The following TP63 variants were observed in gnomAD, a reference collection of about 807,000 sequenced individuals.
TP63 encodes the protein tumor protein p63.
In TP63, 17 loss-of-function variants were observed where a neutral mutation model predicts 82.8. The observed-to-expected ratio is 0.21, with a 90% CI of 0.14 to 0.31. The LOEUF (loss-of-function observed/expected upper bound fraction) is 0.31, where lower values mean the gene tolerates loss of function less well. Among genes scored for constraint, TP63 ranks in the 10% least tolerant of loss-of-function variants. TP63 has a pLI of 1.00. For missense variants in TP63, 648 were observed against 895.3 expected (o/e 0.72, Z 3.52); for synonymous variants, 330 against 321.7 (o/e 1.03, Z -0.28).
At chr3:189,874,364 G>A (rs1311206272) in intron 10 of TP63, among the ~76,000 whole-genome samples, 2 of 152,180 alleles carry the variant, frequency 1.3e-5, no homozygotes, top group Non-Finnish European at 2.9e-5. Flanking sequence ...GGGCCACCGT[G>A]CCGGCCTTGT....
intron 1 of TP63, among the ~76,000 whole-genome samples, chr3:189,682,595 T>C (rs1716076692): frequency 7.0e-6 from 1 of 141,952 alleles, no homozygotes; most frequent in Non-Finnish European, 1.5e-5. Flanking sequence ...TATATATATA[T>C]CCTATTCACA....
intron 3 of TP63, among the ~76,000 whole-genome samples, chr3:189,793,394 G>A (rs1362371560): frequency 1.3e-5 from 2 of 152,048 alleles, no homozygotes; most frequent in African/African-American, 4.8e-5. Flanking sequence ...AAAAATATTG[G>A]TTTCTTTTTC....
intron 1 of TP63, among the ~76,000 whole-genome samples, chr3:189,712,223 C>T (rs962488980): frequency 3.3e-5 from 5 of 152,102 alleles, no homozygotes; most frequent in Non-Finnish European, 5.9e-5. Flanking sequence ...AACTACTGCA[C>T]AAGGTAGAAT....
intron 4 of TP63, among the ~76,000 whole-genome samples, chr3:189,847,592 T>G (rs1715058005): frequency 6.6e-6 from 1 of 152,204 alleles, no homozygotes; most frequent in African/African-American, 2.4e-5. Context: ...CAGTATTTTA[T>G]TTCTGATTTC....
intron 1 of TP63, among the ~76,000 whole-genome samples, chr3:189,682,806 C>T (rs1381860306): frequency 6.6e-6 from 1 of 151,846 alleles, no homozygotes; most frequent in Non-Finnish European, 1.5e-5. Flanking sequence ...ACCTCATTGA[C>T]CCCAAACCAT....
intron 10 of TP63, among the ~76,000 whole-genome samples, chr3:189,884,837 A>G (rs1030802262): frequency 6.6e-6 from 1 of 152,240 alleles, no homozygotes; most frequent in South Asian, 2.1e-4. Context: ...GCATTCATCT[A>G]GCTGTGGCTC....
At chr3:189,686,318 G>T (rs1048228132) in intron 1 of TP63, among the ~76,000 whole-genome samples, 5 of 152,214 alleles carry the variant, frequency 3.3e-5, no homozygotes, top group Admixed American at 2.6e-4. Context: ...ACTGAAGCTG[G>T]CAATAGAAGA....
chr3:189,691,019 C>T (rs1372943523), intron 1 of TP63, among the ~76,000 whole-genome samples: 1 of 152,050 alleles, frequency 6.6e-6, no homozygotes, highest in Non-Finnish European at 1.5e-5. Flanking sequence ...TAACCTTCTT[C>T]ACTACTGCCA....
At chr3:189,746,078 A>G (rs1721353008) in intron 3 of TP63, among the ~76,000 whole-genome samples, 2 of 152,128 alleles carry the variant, frequency 1.3e-5, no homozygotes, top group Non-Finnish European at 2.9e-5. Context: ...CTCCAAATAG[A>G]CACAGTTCAG....
chr3:189,827,134 A>G (rs1441920025), intron 4 of TP63, among the ~76,000 whole-genome samples: 3 of 152,206 alleles, frequency 2.0e-5, no homozygotes, highest in Non-Finnish European at 2.9e-5. Context: ...ACTATTGGGT[A>G]ATTATATTAA....
At chr3:189,849,521 A>G (rs1715357243) in intron 4 of TP63, among the ~76,000 whole-genome samples, 1 of 152,042 alleles carries the variant, frequency 6.6e-6, no homozygotes, top group Non-Finnish European at 1.5e-5. Context: ...TTCTGTGTTG[A>G]TGATTGTTGC....
chr3:189,682,547 AAAAAAAATATATATATATATATAT>A lies in TP63; in HGVS notation c.62+50972_62+50995del, dbSNP rs1431304631. Among the ~76,000 whole-genome samples, 225 of 27,746 alleles carry A rather than the reference AAAAAAAATATATATATATATATAT, an allele frequency of 8.1e-3. 6 individuals are homozygous for A. The highest frequency in any genetic ancestry group is 0.054 in the South Asian group (36 of 662). The allele number at this position is 27,746 out of a possible 152,430, so 18.2% of individuals were successfully genotyped here. Reference sequence around the variant, plus strand: ...CTTGGTCCTAAGGGGAAAAAAAAAAAAAAAAAATATATATATATATATATATATATATATATATATATATATATC... The same window carrying A: ...CTTGGTCCTAAGGGGAAAAAAAAAAAATATATATATATATATATATATATC... On this transcript the variant is annotated intron_variant, in intron 1 of 13. Coordinates refer to ENST00000264731, the MANE Select transcript of TP63 (RefSeq NM_003722.5).
Position 189,677,870 on chromosome 3 carries a change from A to G in TP63, c.62+46293A>G, listed in dbSNP as rs149531376. On this transcript the variant is annotated intron_variant, in intron 1 of 13. Transcript: ENST00000264731. ...TTAGTGATGTTGAGTATTTTTTCGC[A>G]TATGTTTTGGACATCTGTGTATCTT... Among the ~76,000 whole-genome samples the G allele has an allele frequency of 4.8e-3, 727 of 152,030 alleles. 6 individuals carry two copies. Among genetic ancestry groups the G allele is most frequent in the Middle Eastern group, 0.017 (5 of 294 alleles).
chr3:189,783,082 C>T (rs1049116543), intron 3 of TP63, among the ~76,000 whole-genome samples: 9 of 151,808 alleles, frequency 5.9e-5, no homozygotes, highest in Middle Eastern at 6.8e-3. Flanking sequence ...ATGATTATAG[C>T]GGTAAAGAAA....
intron 1 of TP63, among the ~76,000 whole-genome samples, chr3:189,636,971 C>G (rs950505450): frequency 6.6e-6 from 1 of 151,984 alleles, no homozygotes. Flanking sequence ...ATATTCATTC[C>G]TTTAATTATT....
At chr3:189,724,786 G>GTGCTGAGCACTGTTCCAGGCCTTGGGGGA (rs1719648796) in intron 1 of TP63, among the ~76,000 whole-genome samples, 1 of 152,100 alleles carries the variant, frequency 6.6e-6, no homozygotes, top group African/African-American at 2.4e-5. Flanking sequence ...GAACACCTTC[G>GTGCTGAGCACTGTTCCAGGCCTTGGGGGA]TGCTGAGCAC....
intron 3 of TP63, among the ~76,000 whole-genome samples, chr3:189,761,583 C>G (rs1722574085): frequency 6.6e-6 from 1 of 152,170 alleles, no homozygotes; most frequent in South Asian, 2.1e-4. Flanking sequence ...CTAGGAAGTT[C>G]CAAACTTCCC....
intron 10 of TP63, among the ~76,000 whole-genome samples, chr3:189,875,617 TATA>T: frequency 9.6e-6 from 1 of 104,082 alleles, no homozygotes; most frequent in African/African-American, 3.9e-5. Context: ...TATATATATA[TATA>T]TATATATATA....
intron 3 of TP63, among the ~76,000 whole-genome samples, chr3:189,804,538 T>C (rs917482492): frequency 1.3e-5 from 2 of 152,252 alleles, no homozygotes; most frequent in African/African-American, 2.4e-5. Context: ...CTTGTTCTTC[T>C]TGACTATAAT....
Sources: gnomAD v4.1 joint callset for allele counts (sites outside exome capture counted in the v4.1 genomes callset) on GRCh38, gnomAD v4.1.1 for gene constraint, MANE v1.5 for transcripts, NCBI Gene and HGNC (gene_info 2026-07-23, HGNC 2026-07-21) for gene names.